NIT2: variants seen among roughly 807,000 people sequenced by gnomAD.
The protein encoded by NIT2 is nitrilase family member 2.
A neutral mutation model predicts 42.7 loss-of-function variants in NIT2; 46 were observed. The ratio of observed to expected loss-of-function variants is 1.08; its 90% confidence interval spans 0.85 to 1.38. NIT2 has a LOEUF of 1.38. Ranked by LOEUF, NIT2 falls within the 40% of genes most tolerant of loss-of-function variation. The pLI is 0.00. For missense variants in NIT2, 309 were observed against 342.5 expected (o/e 0.90, Z 0.77); for synonymous variants, 123 against 121.9 (o/e 1.01, Z -0.06).
Position 100,346,241 on chromosome 3 carries a change from TC to T in NIT2, c.492del (p.Tyr165ThrfsTer17). 1.9e-6 allele frequency: 3 copies of T among 1,614,080 alleles called. No individual in the cohort carries two copies. Among genetic ancestry groups the T allele is most frequent in the Non-Finnish European group, 1.7e-6 (2 of 1,179,946 alleles). On this transcript the variant is annotated frameshift_variant, in exon 6 of 10. Transcript: ENST00000394140. LOFTEE classifies it high-confidence loss of function. ...ATGCGGTTTGCAGAGCTTGCACAAA[TC>T]TACGCACAGAGAGGTGAGGCAGTGT... ...YDMRFAELAQ[I>X]YAQRGCQLLV...
At chr3:100,352,355 G>T in intron 7 of NIT2, 49 bp from the exon 8 acceptor site, 1 of 1,444,606 alleles carries the variant, frequency 6.9e-7, no homozygotes. Flanking sequence ...TTAGAAAAAT[G>T]TCAGATTTAT....
intron 4 of NIT2, among the ~76,000 whole-genome samples, chr3:100,341,535 A>AT (rs1706153633): frequency 6.6e-6 from 1 of 151,728 alleles, no homozygotes; most frequent in Admixed American, 6.6e-5. Context: ...TGCCCAGCTA[A>AT]TTTTTTGTAT....
chr3:100,356,706 T>C lies in NIT2; in HGVS notation c.*1438T>C, dbSNP rs1319703583. ...GTGCAATTTGGTAAACTTTGACATA[T>C]ACAGCTATAAACCACTCCAATCAAG... On this transcript the variant is annotated 3_prime_UTR_variant, in exon 10 of 10. Coordinates refer to ENST00000394140, the MANE Select transcript of NIT2 (RefSeq NM_020202.5). The C allele has an allele frequency of 6.6e-6, 1 of 152,222 alleles. No homozygotes were observed. Among genetic ancestry groups the C allele is most frequent in the African/African-American group, 2.4e-5 (1 of 41,446 alleles). The allele number at this position is 152,222 out of a possible 1,614,324, so 9.4% of individuals were successfully genotyped here.
At chr3:100,340,959 C>A (rs1706142987) in intron 3 of NIT2, 114 bp from the exon 4 acceptor site, 3 of 662,964 alleles carry the variant, frequency 4.5e-6, no homozygotes, top group African/African-American at 3.7e-5. Flanking sequence ...AATAAATAAA[C>A]CGTAAAAGAT....
chr3:100,338,156 G>A (rs183769775), intron 1 of NIT2, among the ~76,000 whole-genome samples: 103 of 152,308 alleles, frequency 6.8e-4, no homozygotes, highest in Middle Eastern at 3.4e-3. Flanking sequence ...CAAATATGAT[G>A]TATAGCTACT....
chr3:100,345,546 C>T (rs201736794), intron 4 of NIT2, 39 bp from the exon 5 acceptor site: 16 of 1,394,268 alleles, frequency 1.1e-5, no homozygotes, highest in African/African-American at 1.1e-4. Flanking sequence ...ATGGACCCTG[C>T]TGGAAAAGAG....
intron 8 of NIT2, among the ~76,000 whole-genome samples, chr3:100,354,384 A>AG (rs750145830): frequency 9.9e-5 from 15 of 152,256 alleles, no homozygotes; most frequent in African/African-American, 2.4e-4. Context: ...GCCATTGTAA[A>AG]GGGGGGGTCC....
At chr3:100,354,703 A>G (rs1368963734) in intron 8 of NIT2, 69 bp from the exon 9 acceptor site, 4 of 1,290,198 alleles carry the variant, frequency 3.1e-6, no homozygotes, top group East Asian at 2.4e-5. Flanking sequence ...GCTTGGGAGG[A>G]AAAAACAGAG....
chr3:100,340,034 T>A, intron 3 of NIT2, 99 bp downstream of exon 3: 2 of 997,448 alleles, frequency 2.0e-6, no homozygotes, highest in South Asian at 2.0e-5. Flanking sequence ...TTGGGAAGCT[T>A]CAGCTTGGGA....
At chr3:100,345,415 T>C (rs1021670346) in intron 4 of NIT2, among the ~76,000 whole-genome samples, 170 bp from the exon 5 acceptor site, 1 of 152,214 alleles carries the variant, frequency 6.6e-6, no homozygotes, top group Non-Finnish European at 1.5e-5. Flanking sequence ...GTAGAATTCA[T>C]TTTGATAAGG....
At chr3:100,346,720 A>G (rs967542161) in intron 6 of NIT2, among the ~76,000 whole-genome samples, 10 of 152,254 alleles carry the variant, frequency 6.6e-5, no homozygotes, top group African/African-American at 2.4e-4. Flanking sequence ...GTACTTTGCT[A>G]AAATGATTTC....
intron 8 of NIT2, among the ~76,000 whole-genome samples, chr3:100,353,876 G>A (rs1033564493): frequency 1.7e-4 from 25 of 151,112 alleles, no homozygotes; most frequent in African/African-American, 5.1e-4. Flanking sequence ...TCCCGGGTTC[G>A]AGCCATTCTC....
chr3:100,354,748 C>G (rs1452542450), intron 8 of NIT2, 24 bp from the exon 9 acceptor site: 1 of 1,591,384 alleles, frequency 6.3e-7, no homozygotes, highest in Non-Finnish European at 8.6e-7. Context: ...TGAATCCACT[C>G]ATTCTCTTCT....
chr3:100,353,430 ATATGAC>A lies in NIT2; in HGVS notation c.683+931_683+936del, dbSNP rs150812610. ...GTGTGTGGTGGGGAGGCCTTGGAAG[ATATGAC>A]TAGTGTGAGATTCCAGTTGGCCTCC... On this transcript the variant is annotated intron_variant, in intron 8 of 9. Coordinates refer to ENST00000394140, the MANE Select transcript of NIT2 (RefSeq NM_020202.5). Among the ~76,000 whole-genome samples, 763 of 152,300 alleles carry A rather than the reference ATATGAC, an allele frequency of 5.0e-3. 4 individuals carry two copies. The highest frequency in any genetic ancestry group is 8.1e-3 in the Non-Finnish European group (554 of 68,022).
At position 100,348,784 on chromosome 3, in the gene NIT2, T is replaced by C; in HGVS notation, c.506-19T>C. 6.2e-7 allele frequency: 1 copy of C among 1,611,964 alleles called. No homozygotes were observed. Among genetic ancestry groups the C allele is most frequent in the South Asian group, 1.1e-5 (1 of 91,002 alleles). On this transcript the variant is annotated intron_variant, in intron 6 of 9. Transcript: ENST00000394140. ...AGTGCTCACTGCATCCACTGTTCTT[T>C]GGCTTTTCTCTCCCCAAGGCTGCCA...
chr3:100,335,916 G>T (rs1243673486), intron 1 of NIT2, among the ~76,000 whole-genome samples: 1 of 152,228 alleles, frequency 6.6e-6, no homozygotes, highest in African/African-American at 2.4e-5. Flanking sequence ...GGAAGCTGAG[G>T]AGGGAGAATG....
chr3:100,346,370 T>G lies in NIT2; in HGVS notation c.505+115T>G, dbSNP rs1039646419. On this transcript the variant is annotated intron_variant, in intron 6 of 9. Coordinates refer to ENST00000394140, the MANE Select transcript of NIT2 (RefSeq NM_020202.5). ...GAGAGGGCTCTTTAATTTCTCCATC[T>G]TCAGCCCTTTCACCCCCATGAGGCT... 10 of 859,432 alleles carry G rather than the reference T, an allele frequency of 1.2e-5. No homozygotes were observed. In the African/African-American group the frequency reaches 1.5e-4, roughly 13 times the overall value. 53.2% of individuals were successfully genotyped at this position (859,432 alleles called of 1,614,324 possible).
intron 1 of NIT2, among the ~76,000 whole-genome samples, chr3:100,336,554 G>T (rs1247092876): frequency 6.6e-6 from 1 of 152,186 alleles, no homozygotes; most frequent in African/African-American, 2.4e-5. Context: ...TAGGATAATA[G>T]TGGAGAGAAG....
Position 100,361,378 on chromosome 3 carries a change from A to C in NIT2, c.*6110A>C, listed in dbSNP as rs561827721. The C allele has an allele frequency of 1.3e-5, 2 of 152,214 alleles. No individual in the cohort carries two copies. Among genetic ancestry groups the C allele is most frequent in the Non-Finnish European group, 2.9e-5 (2 of 68,054 alleles). 9.4% of individuals were successfully genotyped at this position (152,214 alleles called of 1,614,324 possible). Reference sequence around the variant, plus strand: ...TTCCAGGACAACACTTGCACAGGTTATCTTTAAGCACCAACAAAAGAAATG... The same window carrying C: ...TTCCAGGACAACACTTGCACAGGTTCTCTTTAAGCACCAACAAAAGAAATG... On this transcript the variant is annotated 3_prime_UTR_variant, in exon 10 of 10. Transcript: ENST00000394140.
Sources: allele counts gnomAD v4.1 joint callset (sites outside exome capture counted in the v4.1 genomes callset), GRCh38; gene constraint gnomAD v4.1.1; transcripts MANE v1.5; gene names NCBI Gene and HGNC (gene_info 2026-07-23, HGNC 2026-07-21).